CCDC57: variants seen among roughly 807,000 people sequenced by gnomAD.
CCDC57 encodes coiled-coil domain containing 57.
Under a neutral mutation model 118.9 loss-of-function variants are expected in CCDC57, and 118 were observed. That is an observed-to-expected ratio of 0.99 (90% CI 0.86 to 1.16). The LOEUF is 1.16. Among genes scored for constraint, CCDC57 ranks in the 50% most tolerant of loss-of-function variants. The pLI, the probability that CCDC57 is intolerant of heterozygous loss-of-function variation, is 0.00. For missense variants in CCDC57, 1,300 were observed against 1,320.7 expected (o/e 0.98, Z 0.24); for synonymous variants, 527 against 532.9 (o/e 0.99, Z 0.15).
chr17:82,157,363 G>T, intron 15 of CCDC57: 1 of 932,854 alleles, frequency 1.1e-6, no homozygotes, highest in Non-Finnish European at 1.3e-6. Flanking sequence ...CTAGGCATGG[G>T]GCAGGCATGG....
chr17:82,113,958 C>A (rs1160201081), intron 19 of CCDC57, among the ~76,000 whole-genome samples: 1 of 152,044 alleles, frequency 6.6e-6, no homozygotes, highest in Non-Finnish European at 1.5e-5. Context: ...AAATAAGAGC[C>A]CCAAGGCCCC....
At chr17:82,129,495 T>C (rs1241313812) in intron 17 of CCDC57, among the ~76,000 whole-genome samples, 1 of 152,056 alleles carries the variant, frequency 6.6e-6, no homozygotes, top group East Asian at 1.9e-4. Flanking sequence ...CCCACAACAG[T>C]GGATGCAGAG....
chr17:82,210,988 C>T (rs1479197536), intron 1 of CCDC57, among the ~76,000 whole-genome samples: 3 of 117,152 alleles, frequency 2.6e-5, no homozygotes, highest in African/African-American at 6.8e-5. Flanking sequence ...AGAGAGACTC[C>T]GTCTTAAAAA....
At chr17:82,150,515 G>A (rs1489422497) in intron 16 of CCDC57, among the ~76,000 whole-genome samples, 29 of 101,292 alleles carry the variant, frequency 2.9e-4, no homozygotes, top group East Asian at 3.9e-4. Flanking sequence ...AGAACCAGGC[G>A]CACACTCAGA....
chr17:82,166,082 T>C (rs1320601457), intron 13 of CCDC57, among the ~76,000 whole-genome samples: 1 of 151,746 alleles, frequency 6.6e-6, no homozygotes, highest in East Asian at 1.9e-4. Context: ...CCAAGGAGTT[T>C]TGAGAACAGC....
At chr17:82,165,796 T>C (rs1205069332) in intron 13 of CCDC57, among the ~76,000 whole-genome samples, 8 of 152,110 alleles carry the variant, frequency 5.3e-5, no homozygotes, top group Non-Finnish European at 1.2e-4. Context: ...ACTGGCCACT[T>C]GGTAGCTCAT....
At position 82,134,079 on chromosome 17, in the gene CCDC57, T is replaced by C. The variant is rs1469289364; in HGVS notation, c.2571A>G (p.Thr857=). 9.2e-6 allele frequency: 13 copies of C among 1,412,000 alleles called. No homozygotes were observed. The South Asian group carries it at 2.1e-4, about 23-fold the overall frequency. 87.5% of individuals were successfully genotyped at this position (1,412,000 alleles called of 1,614,324 possible). ...TTAGATGAAGGGGTGTTACCTGAGA[T>C]GTAAAATGGGGCTGCACCTGTCCCA... The change falls in exon 17 of 20, where the codon ACA becomes ACG. Residue 857 remains threonine (T), a synonymous_variant. Coordinates refer to ENST00000665763, the Ensembl canonical transcript of CCDC57.
At chr17:82,156,384 C>G (rs929763374) in intron 15 of CCDC57, 1 of 152,248 alleles carries the variant, frequency 6.6e-6, no homozygotes, top group Non-Finnish European at 1.5e-5. Context: ...TACGCAAGGG[C>G]CAACAGTGAG....
Position 82,201,928 on chromosome 17 carries a change from G to A in CCDC57, c.17C>T (p.Ser6Leu), listed in dbSNP as rs558749201. 7 of 1,596,260 alleles carry A rather than the reference G, an allele frequency of 4.4e-6. No individual in the cohort carries two copies. The East Asian group carries it at 1.6e-4, about 36-fold the overall frequency. Reference sequence around the variant, plus strand: ...CAGCAGCTCATTCAGGGCGGGCTCTGAGCCCAGTGGCAGCATGGTGGCCGC... The same window carrying A: ...CAGCAGCTCATTCAGGGCGGGCTCTAAGCCCAGTGGCAGCATGGTGGCCGC... Residue 6 changes from serine to leucine, a missense_variant, in exon 3 of 20, where the codon TCA becomes TTA. By Grantham distance (145) the Ser-to-Leu change is moderately radical (BLOSUM62 -2). Coordinates refer to ENST00000665763, the Ensembl canonical transcript of CCDC57.
exon 20 of CCDC57, chr17:82,101,615 G>GGCACCATGAAAGTGCCT: frequency 7.5e-7 from 1 of 1,326,836 alleles, no homozygotes. Flanking sequence ...ACAACACGTA[G>GGCACCATGAAAGTGCCT]GTGAAAGCAC....
intron 8 of CCDC57, 99 bp from the exon 8 acceptor site, chr17:82,184,031 G>GCGCGCGCGCCCACACACACACACA: frequency 7.9e-6 from 1 of 125,852 alleles, no homozygotes; most frequent in Non-Finnish European, 1.6e-5. Context: ...GCGCGCGCGC[G>GCGCGCGCGCCCACACACACACACA]CACACACACA....
chr17:82,110,977 G>GA (rs113746087), intron 19 of CCDC57, among the ~76,000 whole-genome samples: 36 of 124,024 alleles, frequency 2.9e-4, no homozygotes, highest in South Asian at 4.9e-4. Context: ...GTGAGCCAAA[G>GA]AAAAAAAAAA....
intron 1 of CCDC57, among the ~76,000 whole-genome samples, chr17:82,210,475 C>T (rs1159853193): frequency 4.7e-5 from 7 of 150,352 alleles, no homozygotes; most frequent in Non-Finnish European, 1.0e-4. Flanking sequence ...AGTTCGAGAC[C>T]AGCCTGACCA....
At chr17:82,133,824 C>T (rs1326507548) in intron 17 of CCDC57, among the ~76,000 whole-genome samples, 1 of 151,712 alleles carries the variant, frequency 6.6e-6, no homozygotes, top group Non-Finnish European at 1.5e-5. Context: ...TGCACCACTG[C>T]ACTCAAGCCT....
intron 19 of CCDC57, chr17:82,108,866 G>A (rs2035050615): frequency 6.6e-6 from 1 of 152,226 alleles, no homozygotes; most frequent in African/African-American, 2.4e-5. Context: ...GGCAGCGTGG[G>A]GCGGGGCAGG....
At chr17:82,193,584 C>A (rs1402584058) in intron 7 of CCDC57, among the ~76,000 whole-genome samples, 172 bp downstream of exon 6, 1 of 151,692 alleles carries the variant, frequency 6.6e-6, no homozygotes, top group Non-Finnish European at 1.5e-5. Flanking sequence ...AGCAAGCAAG[C>A]AAGAAAGAAA....
At chr17:82,169,174 T>C (rs938941525) in intron 13 of CCDC57, among the ~76,000 whole-genome samples, 1 of 152,230 alleles carries the variant, frequency 6.6e-6, no homozygotes, top group Admixed American at 6.5e-5. Context: ...TTACCTAGGC[T>C]GGAGTGTAGT....
At chr17:82,128,354 G>A in intron 18 of CCDC57, 139 bp downstream of exon 17, 2 of 643,330 alleles carry the variant, frequency 3.1e-6, no homozygotes, top group Non-Finnish European at 5.3e-6. Context: ...CCCTGCCATT[G>A]TGAGCAGTCC....
chr17:82,126,561 C>T, intron 19 of CCDC57: 1 of 985,280 alleles, frequency 1.0e-6, no homozygotes, highest in Non-Finnish European at 1.2e-6. Flanking sequence ...GATGCACGAC[C>T]TCCCAGCAGA....
Sources: allele counts gnomAD v4.1 joint callset (sites outside exome capture counted in the v4.1 genomes callset), GRCh38; gene constraint gnomAD v4.1.1; transcripts MANE v1.5; gene names NCBI Gene and HGNC (gene_info 2026-07-23, HGNC 2026-07-21).